CSMD2: variants seen among roughly 807,000 people sequenced by gnomAD.
CSMD2 encodes the protein CUB and Sushi multiple domains 2, also known as CUB and sushi domain-containing protein 2.
A neutral mutation model predicts 398.5 loss-of-function variants in CSMD2; 130 were observed. The ratio of observed to expected loss-of-function variants is 0.33; its 90% CI spans 0.28 to 0.38. CSMD2 has a LOEUF of 0.38. Ranked by LOEUF, CSMD2 falls within the 10% of genes least tolerant of loss-of-function variation. The pLI is 1.00. For missense variants in CSMD2, 3,829 were observed against 4,764.9 expected (o/e 0.80, Z 5.78); for synonymous variants, 1,828 against 1,908.5 (o/e 0.96, Z 1.10).
chr1:34,074,380 C>G (rs1200828286), intron 2 of CSMD2, among the ~76,000 whole-genome samples: 4 of 152,218 alleles, frequency 2.6e-5, no homozygotes, highest in Non-Finnish European at 5.9e-5. Flanking sequence ...TACAGGGTCC[C>G]TGGTGGAGCT....
At chr1:33,548,882 G>T (rs1394620897) in intron 56 of CSMD2, among the ~76,000 whole-genome samples, 1 of 152,200 alleles carries the variant, frequency 6.6e-6, no homozygotes, top group African/African-American at 2.4e-5. Context: ...AAAGAAGCCA[G>T]GGCACAGTTA....
chr1:33,774,896 T>C (rs1651769473), intron 12 of CSMD2, among the ~76,000 whole-genome samples: 1 of 152,172 alleles, frequency 6.6e-6, no homozygotes, highest in Admixed American at 6.5e-5. Context: ...AACAATGCAA[T>C]GAGCACCTAC....
intron 5 of CSMD2, among the ~76,000 whole-genome samples, chr1:33,910,710 G>T (rs1021562533): frequency 1.3e-5 from 2 of 152,214 alleles, no homozygotes; most frequent in African/African-American, 4.8e-5. Flanking sequence ...AGAGAGGTAG[G>T]TTATAGGGAG....
At chr1:33,770,657 C>G (rs1651136110) in intron 13 of CSMD2, among the ~76,000 whole-genome samples, 1 of 152,162 alleles carries the variant, frequency 6.6e-6, no homozygotes, top group Non-Finnish European at 1.5e-5. Flanking sequence ...CCTGCTCTAT[C>G]CCAGAATTGT....
intron 1 of CSMD2, among the ~76,000 whole-genome samples, chr1:34,124,377 T>C (rs956540265): frequency 1.3e-5 from 2 of 152,084 alleles, no homozygotes; most frequent in Non-Finnish European, 2.9e-5. Context: ...GGGAAGGGCA[T>C]AGGAGTGCAG....
chr1:33,882,641 C>A (rs1000075374), intron 5 of CSMD2, among the ~76,000 whole-genome samples: 1 of 152,168 alleles, frequency 6.6e-6, no homozygotes, highest in Non-Finnish European at 1.5e-5. Context: ...TGGGCATACA[C>A]TTCAATCATC....
chr1:34,138,583 G>T (rs1398195190), intron 1 of CSMD2, among the ~76,000 whole-genome samples: 3 of 152,078 alleles, frequency 2.0e-5, no homozygotes, highest in African/African-American at 7.2e-5. Flanking sequence ...TCCCTCTTTT[G>T]TAAGTAATGC....
Position 33,523,309 on chromosome 1 carries a change from GGCCATCTAAA to G in CSMD2, c.10497_10506del (p.Leu3500MetfsTer158). 2 of 1,483,566 alleles carry G rather than the reference GGCCATCTAAA, an allele frequency of 1.3e-6. No homozygotes were observed. The allele number at this position is 1,483,566 out of a possible 1,614,324, so 91.9% of individuals were successfully genotyped here. ...GGAGGTGAGTTTGCTGAACTTACAT[GGCCATCTAAA>G]GCCCAGTGATCATCTTTGAACTTAT... On this transcript the variant is annotated frameshift_variant, in exon 67 of 71. Transcript: ENST00000373381. LOFTEE classifies it high-confidence loss of function.
At chr1:33,984,155 C>T (rs1309424663) in intron 3 of CSMD2, among the ~76,000 whole-genome samples, 1 of 102,374 alleles carries the variant, frequency 9.8e-6, no homozygotes, top group Non-Finnish European at 1.8e-5. Context: ...CTCTGTCTCC[C>T]CCCACCAAAA....
intron 27 of CSMD2, among the ~76,000 whole-genome samples, chr1:33,656,172 A>G (rs1343562180): frequency 1.3e-5 from 2 of 152,134 alleles, no homozygotes; most frequent in Non-Finnish European, 2.9e-5. Context: ...AGGAAGATAG[A>G]AAGGAAGGAA....
chr1:33,835,576 A>G (rs1464341963), intron 6 of CSMD2, among the ~76,000 whole-genome samples: 2 of 125,494 alleles, frequency 1.6e-5, no homozygotes, highest in Non-Finnish European at 3.2e-5. Flanking sequence ...TGGGTGCAGC[A>G]CACCAGCATG....
intron 64 of CSMD2, among the ~76,000 whole-genome samples, chr1:33,530,514 C>G (rs1397806450): frequency 6.6e-6 from 1 of 152,148 alleles, no homozygotes; most frequent in South Asian, 2.1e-4. Flanking sequence ...GTTAATGTAA[C>G]CATTATGGAA....
At chr1:33,937,993 A>G (rs998941823) in intron 3 of CSMD2, among the ~76,000 whole-genome samples, 1 of 152,244 alleles carries the variant, frequency 6.6e-6, no homozygotes, top group Non-Finnish European at 1.5e-5. Context: ...GTGCATGTTC[A>G]TTAATTAGTT....
At position 33,700,548 on chromosome 1, in the gene CSMD2, G is replaced by A. The variant is rs1237755562; in HGVS notation, c.3702C>T (p.Asn1234=). 6 of 1,614,050 alleles carry A rather than the reference G, an allele frequency of 3.7e-6. No individual in the cohort carries two copies. Among genetic ancestry groups the A allele is most frequent in the African/African-American group, 2.7e-5 (2 of 74,914 alleles). ...AGTGCAGTTCAAAGCCCTTGCTGGTGTTTTCAGCATCAGTGATGAAATCAA... is the reference window on the plus strand; with the variant it reads ...AGTGCAGTTCAAAGCCCTTGCTGGTATTTTCAGCATCAGTGATGAAATCAA... ...LWLDFITDAE[N]TSKGFELHFS... Residue 1234 remains asparagine, a synonymous_variant, in exon 23 of 71, where the codon AAC becomes AAT. Coordinates refer to ENST00000373381, the MANE Select transcript of CSMD2 (RefSeq NM_001281956.2).
chr1:33,697,239 A>G (rs1419824192), intron 24 of CSMD2, among the ~76,000 whole-genome samples: 1 of 152,130 alleles, frequency 6.6e-6, no homozygotes, highest in Non-Finnish European at 1.5e-5. Context: ...TGTCTGTGGC[A>G]TTATACGGTT....
chr1:33,827,862 C>T (rs1659008154), intron 6 of CSMD2, among the ~76,000 whole-genome samples: 1 of 152,204 alleles, frequency 6.6e-6, no homozygotes, highest in Admixed American at 6.5e-5. Flanking sequence ...GATCTGCACC[C>T]AAAGCAATCT....
intron 44 of CSMD2, among the ~76,000 whole-genome samples, chr1:33,596,708 G>T (rs941907481): frequency 6.6e-6 from 1 of 152,168 alleles, no homozygotes; most frequent in African/African-American, 2.4e-5. Flanking sequence ...CATGAGAACA[G>T]GATGGAGGAA....
intron 55 of CSMD2, 92 bp from the exon 56 acceptor site, chr1:33,550,442 G>A (rs1570701275): frequency 7.3e-7 from 1 of 1,364,418 alleles, no homozygotes; most frequent in Non-Finnish European, 1.0e-6. Flanking sequence ...CAAGAGGCTG[G>A]GAAGAAGAGA....
At chr1:33,807,786 A>G (rs1003408878) in intron 10 of CSMD2, among the ~76,000 whole-genome samples, 14 of 152,184 alleles carry the variant, frequency 9.2e-5, no homozygotes, top group African/African-American at 3.1e-4. Context: ...GACAAATTTC[A>G]AAGAATAGAA....
Sources: allele counts gnomAD v4.1 joint callset (sites outside exome capture counted in the v4.1 genomes callset), GRCh38; gene constraint gnomAD v4.1.1; transcripts MANE v1.5; gene names NCBI Gene and HGNC (gene_info 2026-07-23, HGNC 2026-07-21).